The following FTO variants were observed in gnomAD, a reference collection of about 807,000 sequenced individuals.
FTO encodes alpha-ketoglutarate-dependent dioxygenase FTO.
In FTO, 47 loss-of-function variants were observed where a neutral mutation model predicts 63.9. That is an observed-to-expected ratio of 0.74 (90% CI 0.58 to 0.94). The LOEUF (loss-of-function observed/expected upper bound fraction) is 0.94, where lower values mean the gene tolerates loss of function less well. Among genes scored for constraint, FTO ranks in the 40% least tolerant of loss-of-function variants. The probability of loss-of-function intolerance (pLI) is 0.00; values close to 1 mark genes in which losing one functional copy is unlikely to be tolerated. For synonymous variants in FTO, 207 were observed against 224.4 expected (o/e 0.92, Z 0.69); for missense variants, 562 against 618.1 (o/e 0.91, Z 0.96).
chr16:53,825,163 A>G (rs1352232951), intron 2 of FTO, among the ~76,000 whole-genome samples: 4 of 152,330 alleles, frequency 2.6e-5, no homozygotes, highest in Admixed American at 2.6e-4. Flanking sequence ...CAAAATTGCC[A>G]TGGCTTTTGT....
chr16:54,012,308 A>C (rs4784341), intron 8 of FTO, among the ~76,000 whole-genome samples: 80,063 of 152,100 alleles, frequency 0.53, 23,578 homozygotes, highest in African/African-American at 0.79. Context: ...AAAGCCCTAA[A>C]TCTTCAATTC....
chr16:54,030,868 T>A (rs2084812703), intron 8 of FTO, among the ~76,000 whole-genome samples: 1 of 152,194 alleles, frequency 6.6e-6, no homozygotes, highest in Admixed American at 6.5e-5. Flanking sequence ...ACAGATTCCC[T>A]TTAGAACAAA....
chr16:53,828,517 T>C (rs189389564), intron 3 of FTO, among the ~76,000 whole-genome samples: 1 of 152,344 alleles, frequency 6.6e-6, no homozygotes, highest in African/African-American at 2.4e-5. Flanking sequence ...TCCTTTGTTC[T>C]CTTAACTGCA....
At chr16:53,816,744 T>C (rs1444106626) in intron 2 of FTO, among the ~76,000 whole-genome samples, 1 of 152,194 alleles carries the variant, frequency 6.6e-6, no homozygotes, top group Admixed American at 6.5e-5. Flanking sequence ...CTCCCTATCC[T>C]ACTTTCTCGG....
At chr16:53,923,797 G>A (rs996867324) in intron 7 of FTO, among the ~76,000 whole-genome samples, 7 of 151,838 alleles carry the variant, frequency 4.6e-5, no homozygotes, top group South Asian at 2.1e-4. Context: ...CCCAGCATCC[G>A]AGCTTAAACG....
chr16:53,988,625 A>G (rs4784336), intron 8 of FTO, among the ~76,000 whole-genome samples: 2 of 152,098 alleles, frequency 1.3e-5, no homozygotes, highest in East Asian at 1.9e-4. Context: ...GTATTATCTC[A>G]TCTGATCCTT....
At chr16:53,728,896 G>A (rs2076210189) in intron 1 of FTO, among the ~76,000 whole-genome samples, 1 of 151,614 alleles carries the variant, frequency 6.6e-6, no homozygotes. Flanking sequence ...CAAGTAGCTG[G>A]GACTACAGAT....
At chr16:54,099,028 C>T (rs554578490) in intron 8 of FTO, among the ~76,000 whole-genome samples, 1 of 152,292 alleles carries the variant, frequency 6.6e-6, no homozygotes, top group South Asian at 2.1e-4. Context: ...ACAGGGAAGT[C>T]ATGAGATTTG....
intron 1 of FTO, among the ~76,000 whole-genome samples, chr16:53,732,104 A>C (rs1403858172): frequency 7.6e-6 from 1 of 131,546 alleles, no homozygotes; most frequent in Non-Finnish European, 1.5e-5. Flanking sequence ...GCTGGAGTGC[A>C]GTGGTGCGAT....
At chr16:53,972,632 A>G (rs1281916057) in intron 8 of FTO, among the ~76,000 whole-genome samples, 1 of 152,120 alleles carries the variant, frequency 6.6e-6, no homozygotes, top group African/African-American at 2.4e-5. Flanking sequence ...CAGCTATCAC[A>G]TTTTCCCATC....
At chr16:53,774,165 C>T (rs2077407216) in intron 1 of FTO, among the ~76,000 whole-genome samples, 2 of 152,098 alleles carry the variant, frequency 1.3e-5, no homozygotes, top group South Asian at 4.1e-4. Context: ...AATACTTTAG[C>T]TGGACCACTA....
At chr16:53,795,336 T>C (rs2078033363) in intron 1 of FTO, among the ~76,000 whole-genome samples, 1 of 152,160 alleles carries the variant, frequency 6.6e-6, no homozygotes, top group Non-Finnish European at 1.5e-5. Flanking sequence ...AGTTCCAACA[T>C]ATGTCTAATA....
rs939690814 is a variant in FTO at position 53,722,396 on chromosome 16, A to G, written c.45+18167A>G. ...GCTACAAATGTGGTTGACTCTCAGC[A>G]TTTCTTGTCAAATGGAAACATGTAT... On this transcript the variant is annotated intron_variant, in intron 1 of 8. Coordinates refer to ENST00000471389, the MANE Select transcript of FTO (RefSeq NM_001080432.3). 3.9e-5 allele frequency among the ~76,000 whole-genome samples: 6 copies of G among 152,232 alleles called. No homozygotes were observed. The East Asian group carries it at 1.2e-3, about 29-fold the overall frequency.
rs2086922674 is a variant in FTO, at chr16:54,113,012, C to T, written c.*1097C>T. ...GCATGTTAACGTGCCTCAGTTTCCT[C>T]ATCTGTATAATGGGGATATATGAAA... On this transcript the variant is annotated 3_prime_UTR_variant, in exon 9 of 9. Coordinates refer to ENST00000471389, the MANE Select transcript of FTO (RefSeq NM_001080432.3). 1 of 152,168 alleles carries T rather than the reference C, an allele frequency of 6.6e-6. No homozygotes were observed. Among genetic ancestry groups the T allele is most frequent in the East Asian group, 1.9e-4 (1 of 5,202 alleles). 9.4% of individuals were successfully genotyped at this position (152,168 alleles called of 1,614,324 possible).
chr16:53,734,326 T>A (rs2076339936), intron 1 of FTO, among the ~76,000 whole-genome samples: 2 of 152,230 alleles, frequency 1.3e-5, no homozygotes, highest in Admixed American at 1.3e-4. Flanking sequence ...CCTAGCACTG[T>A]CATTTCTGTT....
intron 8 of FTO, among the ~76,000 whole-genome samples, chr16:54,101,679 C>T (rs978584786): frequency 1.3e-5 from 2 of 152,276 alleles, no homozygotes; most frequent in Non-Finnish European, 1.5e-5. Context: ...AGTGTATACC[C>T]AGTAATGGGA....
intron 7 of FTO, among the ~76,000 whole-genome samples, chr16:53,931,420 C>T (rs1639536435): frequency 6.6e-6 from 1 of 151,410 alleles, no homozygotes; most frequent in African/African-American, 2.4e-5. Flanking sequence ...AATTCTCCTG[C>T]CTCAGCCTCC....
intron 8 of FTO, among the ~76,000 whole-genome samples, chr16:53,980,081 T>C (rs990657260): frequency 6.6e-6 from 1 of 152,224 alleles, no homozygotes; most frequent in African/African-American, 2.4e-5. Flanking sequence ...TGTGTGGCCT[T>C]CGTGAATCAA....
intron 1 of FTO, among the ~76,000 whole-genome samples, chr16:53,710,100 G>C (rs968399320): frequency 1.3e-5 from 2 of 151,808 alleles, no homozygotes; most frequent in Non-Finnish European, 2.9e-5. Flanking sequence ...GTCCTTTCAT[G>C]TCCTTTAAAT....
Sources: allele counts gnomAD v4.1 joint callset (sites outside exome capture counted in the v4.1 genomes callset), GRCh38; gene constraint gnomAD v4.1.1; transcripts MANE v1.5; gene names NCBI Gene and HGNC (gene_info 2026-07-23, HGNC 2026-07-21).